ALX4: variants seen among roughly 807,000 people sequenced by gnomAD.
The protein encoded by ALX4 is homeobox protein aristaless-like 4.
In ALX4, 22 loss-of-function variants were observed where a neutral mutation model predicts 40.6. The observed-to-expected ratio is 0.54, with a 90% CI of 0.39 to 0.77. The LOEUF is 0.77. ALX4 is among the 30% of genes least tolerant of loss of function. ALX4 has a pLI of 0.00. For missense variants in ALX4, 556 were observed against 564.8 expected, an observed-to-expected ratio of 0.98 and a Z score of 0.16; for synonymous variants, 266 against 240.5, an observed-to-expected ratio of 1.11 and a Z score of -0.98.
At chr11:44,306,163 C>T (rs1956466557) in intron 1 of ALX4, among the ~76,000 whole-genome samples, 1 of 152,196 alleles carries the variant, frequency 6.6e-6, no homozygotes, top group African/African-American at 2.4e-5. Context: ...GAAGAGGGCT[C>T]GGTGGGGGCT....
At chr11:44,268,661 C>T (rs962383505) in intron 2 of ALX4, among the ~76,000 whole-genome samples, 6 of 152,152 alleles carry the variant, frequency 3.9e-5, no homozygotes, top group Non-Finnish European at 5.9e-5. Context: ...CAAGAGCTGC[C>T]CTACCCCTGG....
intron 1 of ALX4, among the ~76,000 whole-genome samples, chr11:44,294,918 C>T (rs1211720894): frequency 2.0e-5 from 3 of 151,766 alleles, no homozygotes; most frequent in Non-Finnish European, 4.4e-5. Context: ...GGTGTGGTCT[C>T]GGCTCACTGC....
rs1260212418 is a variant in ALX4 at position 44,275,624 on chromosome 11, G to A, written c.501C>T (p.Pro167=). The A allele has an allele frequency of 1.9e-6, 3 of 1,613,534 alleles. No individual in the cohort carries two copies. The highest frequency in any genetic ancestry group is 2.2e-5 in the East Asian group (1 of 44,836). ...KESSLGEPEL[P]PDSDTVGMDS... Reference sequence around the variant, plus strand: ...CCATCCCCACAGTGTCAGAGTCAGGGGGTAACTCTGGCTCACCCAGGGAGC... The same window carrying A: ...CCATCCCCACAGTGTCAGAGTCAGGAGGTAACTCTGGCTCACCCAGGGAGC... Residue 167 remains proline (P), a synonymous_variant, in exon 2 of 4, where the codon CCC becomes CCT. Transcript: ENST00000652299.
intron 1 of ALX4, among the ~76,000 whole-genome samples, chr11:44,300,941 C>A (rs114015275): frequency 6.6e-6 from 1 of 152,226 alleles, no homozygotes; most frequent in Non-Finnish European, 1.5e-5. Flanking sequence ...GGCGCCTGCA[C>A]GCCCCAGGGC....
chr11:44,277,501 A>G (rs1279467103), intron 1 of ALX4, among the ~76,000 whole-genome samples: 2 of 152,192 alleles, frequency 1.3e-5, no homozygotes, highest in African/African-American at 4.8e-5. Context: ...TTTGATCATC[A>G]CAACAAGCAC....
intron 1 of ALX4, among the ~76,000 whole-genome samples, chr11:44,295,299 T>C (rs959365782): frequency 1.3e-5 from 2 of 152,238 alleles, no homozygotes; most frequent in African/African-American, 4.8e-5. Context: ...CTGAAATCTG[T>C]TTCCAGGTCC....
rs60988016 is a variant in ALX4 at position 44,294,828 on chromosome 11, C to CTATTTATT, written c.466+14761_466+14768dup. Reference sequence around the variant, plus strand: ...CCAGGAACTGTTCTAAGATCCTTACCTATTTATTTATTTATTTATTTATTT... The same window carrying CTATTTATT: ...CCAGGAACTGTTCTAAGATCCTTACCTATTTATTTATTTATTTATTTATTTATTTATTT... On this transcript the variant is annotated intron_variant, in intron 1 of 3. Coordinates refer to ENST00000652299, the MANE Select transcript of ALX4 (RefSeq NM_021926.4). 7.8e-3 allele frequency among the ~76,000 whole-genome samples: 1,157 copies of CTATTTATT among 148,328 alleles called. 14 individuals are homozygous for CTATTTATT. The highest frequency in any genetic ancestry group is 0.024 in the East Asian group (120 of 4,994).
intron 1 of ALX4, among the ~76,000 whole-genome samples, chr11:44,302,286 G>A (rs142241281): frequency 7.8e-4 from 118 of 152,216 alleles, no homozygotes; most frequent in African/African-American, 2.7e-3. Context: ...CCTCGGCCTC[G>A]CCCTGAAACA....
intron 1 of ALX4, among the ~76,000 whole-genome samples, chr11:44,283,341 A>G (rs987066281): frequency 1.3e-5 from 2 of 152,212 alleles, no homozygotes; most frequent in South Asian, 2.1e-4. Context: ...TATATATAAA[A>G]CAAAAACTAA....
chr11:44,276,378 C>T (rs774483015), intron 1 of ALX4, among the ~76,000 whole-genome samples: 9 of 152,232 alleles, frequency 5.9e-5, no homozygotes, highest in African/African-American at 4.8e-5. Flanking sequence ...TGAGGCTGCC[C>T]GGGCACCTTC....
chr11:44,272,129 T>C (rs1956251768), intron 2 of ALX4, among the ~76,000 whole-genome samples: 1 of 152,150 alleles, frequency 6.6e-6, no homozygotes, highest in South Asian at 2.1e-4. Flanking sequence ...GATCTGGGTG[T>C]GTGAGGGCTT....
chr11:44,263,937 A>T lies in ALX4; in HGVS notation c.*917T>A, dbSNP rs1273505061. The stretch of plus-strand genomic sequence containing the variant: ...TGACTGGGCTCTGGATGGAGAACAA[A>T]GCTGCCCAGACCTCCCCGCTGTACC... On this transcript the variant is annotated 3_prime_UTR_variant, in exon 4 of 4. Coordinates refer to ENST00000652299, the MANE Select transcript of ALX4 (RefSeq NM_021926.4). 1 of 152,338 alleles carries T rather than the reference A, an allele frequency of 6.6e-6. No individual in the cohort carries two copies. The highest frequency in any genetic ancestry group is 1.5e-5 in the Non-Finnish European group (1 of 68,148). 9.4% of individuals were successfully genotyped at this position (152,338 alleles called of 1,614,324 possible). A position where few individuals can be genotyped will look rare whatever the true frequency, so the allele number is the denominator to read the frequency against.
intron 1 of ALX4, among the ~76,000 whole-genome samples, chr11:44,278,974 C>T (rs995923459): frequency 2.6e-5 from 4 of 152,148 alleles, no homozygotes; most frequent in African/African-American, 9.7e-5. Flanking sequence ...CTGGGTTCCT[C>T]ATTTAGACAA....
chr11:44,309,393 G>C (rs935544325), intron 1 of ALX4, among the ~76,000 whole-genome samples: 1 of 152,222 alleles, frequency 6.6e-6, no homozygotes, highest in African/African-American at 2.4e-5. Context: ...CAGCCGAAAC[G>C]CTCCGTGCCT....
At chr11:44,309,562 GT>G (rs1299824724) in intron 1 of ALX4, 34 bp downstream of exon 1, 6 of 1,550,350 alleles carry the variant, frequency 3.9e-6, no homozygotes, top group Admixed American at 1.9e-5. Flanking sequence ...GCACCCCGTG[GT>G]CCCCAGCACC....
rs755595641 is a variant in ALX4, at chr11:44,264,911, G to A, written c.1179C>T (p.Ile393=). The A allele has an allele frequency of 1.8e-5, 29 of 1,612,934 alleles. No individual in the cohort carries two copies. The highest frequency in any genetic ancestry group is 4.4e-5 in the South Asian group (4 of 91,008). Residue 393 remains isoleucine, a synonymous_variant, in exon 4 of 4, where the codon ATC becomes ATT. Transcript: ENST00000652299. Reference sequence around the variant, plus strand: ...CCTTGGCCTTCATGCGGAGGGCCGCGATGCTCGAGGTCTTGCGGTCCGGCT... The same window carrying A: ...CCTTGGCCTTCATGCGGAGGGCCGCAATGCTCGAGGTCTTGCGGTCCGGCT... ...NGEPDRKTSS[I]AALRMKAKEH... is the part of the protein sequence containing the mutation.
intron 1 of ALX4, among the ~76,000 whole-genome samples, chr11:44,289,173 C>CCT (rs1956355904): frequency 6.6e-6 from 1 of 152,176 alleles, no homozygotes; most frequent in Non-Finnish European, 1.5e-5. Flanking sequence ...TCGGAGAAGG[C>CCT]CTCTGCAATG....
chr11:44,294,517 G>T (rs537992824), intron 1 of ALX4, among the ~76,000 whole-genome samples: 9 of 152,320 alleles, frequency 5.9e-5, no homozygotes, highest in Admixed American at 2.0e-4. Context: ...TGGGGAGGAG[G>T]GGCCTGAGGG....
chr11:44,308,299 T>C (rs1443178955), intron 1 of ALX4, among the ~76,000 whole-genome samples: 1 of 152,248 alleles, frequency 6.6e-6, no homozygotes, highest in Non-Finnish European at 1.5e-5. Context: ...AGAAGGAACC[T>C]GAATACGAGA....
Sources: allele counts gnomAD v4.1 joint callset (sites outside exome capture counted in the v4.1 genomes callset), GRCh38; gene constraint gnomAD v4.1.1; transcripts MANE v1.5; gene names NCBI Gene and HGNC (gene_info 2026-07-23, HGNC 2026-07-21).